The following ITPRID2 variants were observed in gnomAD, a reference collection of about 807,000 sequenced individuals.
The protein encoded by ITPRID2 is protein ITPRID2.
Under a neutral mutation model 124.3 loss-of-function variants are expected in ITPRID2, and 60 were observed. That is an observed-to-expected ratio of 0.48 (90% confidence interval 0.39 to 0.60). ITPRID2 has a LOEUF of 0.60. Ranked by LOEUF, ITPRID2 falls within the 20% of genes least tolerant of loss-of-function variation. The probability of loss-of-function intolerance (pLI) is 0.00; values close to 1 mark genes in which losing one functional copy is unlikely to be tolerated. For missense variants in ITPRID2, 1,553 were observed against 1,512.2 expected, an observed-to-expected ratio of 1.03 and a Z score of -0.45; for synonymous variants, 521 against 542.9, an observed-to-expected ratio of 0.96 and a Z score of 0.56.
chr2:181,896,530 C>A lies in ITPRID2; in HGVS notation c.308-378C>A, dbSNP rs565601547. 3.9e-5 allele frequency among the ~76,000 whole-genome samples: 6 copies of A among 152,018 alleles called. No individual in the cohort carries two copies. Among genetic ancestry groups the A allele is most frequent in the African/African-American group, 1.4e-4 (6 of 41,542 alleles). On this transcript the variant is annotated intron_variant, in intron 3 of 17. Coordinates refer to ENST00000431877, the MANE Select transcript of ITPRID2 (RefSeq NM_001130445.3). The surrounding 1 kb of genome is among the most constrained non-coding windows in gnomAD (Gnocchi z 4.3). Reference sequence around the variant, plus strand: ...GGCAGTGGCAAGGCATATAAAAAAACATTTACAGTGTCAGGAAAATCCAGC... The same window carrying A: ...GGCAGTGGCAAGGCATATAAAAAAAAATTTACAGTGTCAGGAAAATCCAGC...
intron 16 of ITPRID2, among the ~76,000 whole-genome samples, chr2:181,924,191 G>T (rs1694686703): frequency 6.6e-6 from 1 of 152,044 alleles, no homozygotes; most frequent in South Asian, 2.1e-4. Context: ...GATCAAACAA[G>T]GCATAAGAGG....
rs1692781687 is a variant in ITPRID2 at position 181,902,808 on chromosome 2, G to T, written c.1413+342G>T. Among the ~76,000 whole-genome samples the T allele has an allele frequency of 6.6e-6, 1 of 152,158 alleles. No individual in the cohort carries two copies. The highest frequency in any genetic ancestry group is 6.5e-5 in the Admixed American group (1 of 15,268). On this transcript the variant is annotated intron_variant, in intron 8 of 17. Coordinates refer to ENST00000431877, the MANE Select transcript of ITPRID2 (RefSeq NM_001130445.3). The surrounding 1 kb of genome is among the most constrained non-coding windows in gnomAD (Gnocchi z 4.4). ...TATTGCATAATAGTTAGAAACACAG[G>T]CTTTGAAATCAAACAGGGCTTTGAG...
chr2:181,928,363 G>T, intron 17 of ITPRID2, 85 bp downstream of exon 17: 1 of 791,468 alleles, frequency 1.3e-6, no homozygotes, highest in South Asian at 2.1e-5. Flanking sequence ...TACAGGTTTG[G>T]TTCTCTAGTT....
chr2:181,897,294 A>G (rs1692279299), intron 4 of ITPRID2, among the ~76,000 whole-genome samples: 1 of 152,008 alleles, frequency 6.6e-6, no homozygotes, highest in South Asian at 2.1e-4. Flanking sequence ...TATACATGGG[A>G]AAACAAAATT....
rs79608060 is a variant in ITPRID2, at chr2:181,907,409, C to T, written c.1414-2490C>T. On this transcript the variant is annotated intron_variant, in intron 8 of 17. Coordinates refer to ENST00000431877, the MANE Select transcript of ITPRID2 (RefSeq NM_001130445.3). This position sits in a 1 kb window ranked among gnomAD's most constrained non-coding sequence, Gnocchi z 5.1. Reference sequence around the variant, plus strand: ...TGTTTTTCATCTTTGAATCCCAAAACATTGAGACCATGCAATTTTATCACT... The same window carrying T: ...TGTTTTTCATCTTTGAATCCCAAAATATTGAGACCATGCAATTTTATCACT... 1.2e-3 allele frequency among the ~76,000 whole-genome samples: 179 copies of T among 149,588 alleles called. No homozygotes were observed. Among genetic ancestry groups the T allele is most frequent in the South Asian group, 8.8e-3 (42 of 4,756 alleles).
chr2:181,917,324 G>A (rs2125101818), intron 11 of ITPRID2: 1 of 152,252 alleles, frequency 6.6e-6, no homozygotes, highest in Middle Eastern at 3.4e-3. Context: ...AAAAATCAAA[G>A]GTGTAACTTC....
chr2:181,916,990 G>GA, intron 11 of ITPRID2: 3 of 985,746 alleles, frequency 3.0e-6, no homozygotes, highest in Non-Finnish European at 3.6e-6. Context: ...CTCCAGACCA[G>GA]AAAATAACAA....
intron 16 of ITPRID2, 34 bp downstream of exon 16, chr2:181,922,446 G>A: frequency 6.5e-7 from 1 of 1,536,114 alleles, no homozygotes; most frequent in Non-Finnish European, 8.8e-7. Flanking sequence ...CATTTATTTG[G>A]AGGTATATGT....
intron 6 of ITPRID2, among the ~76,000 whole-genome samples, chr2:181,900,279 G>A (rs1558982850): frequency 6.6e-6 from 1 of 152,174 alleles, no homozygotes. Flanking sequence ...AAGGATAACA[G>A]AAAAGCTCAA....
chr2:181,920,767 A>G, intron 15 of ITPRID2, 105 bp downstream of exon 15: 1 of 863,710 alleles, frequency 1.2e-6, no homozygotes, highest in Non-Finnish European at 1.8e-6. Context: ...TAAATACATA[A>G]TTTGATAAAT....
chr2:181,924,153 A>G (rs776016479), intron 16 of ITPRID2, among the ~76,000 whole-genome samples: 2 of 152,196 alleles, frequency 1.3e-5, no homozygotes, highest in Non-Finnish European at 2.9e-5. Context: ...TACTGTCTAC[A>G]AAGGGCCTAC....
At chr2:181,894,097 C>T (rs1180495653) in intron 2 of ITPRID2, 1 of 152,096 alleles carries the variant, frequency 6.6e-6, no homozygotes, top group African/African-American at 2.4e-5. Context: ...ATTACAAATA[C>T]ATTTATAATG....
chr2:181,919,794 C>G lies in ITPRID2; in HGVS notation c.3144+348C>G, dbSNP rs1228456379. Reference sequence around the variant, plus strand: ...CATGTAACTGCAGAGAACACAGATGCATATTTTGCTGTTTTTTTTTCTTTC... The same window carrying G: ...CATGTAACTGCAGAGAACACAGATGGATATTTTGCTGTTTTTTTTTCTTTC... On this transcript the variant is annotated intron_variant, in intron 14 of 17. Transcript: ENST00000431877. This position sits in a 1 kb window ranked among gnomAD's most constrained non-coding sequence, Gnocchi z 4.2. 6.6e-6 allele frequency among the ~76,000 whole-genome samples: 1 copy of G among 151,596 alleles called. No homozygotes were observed. Among genetic ancestry groups the G allele is most frequent in the Non-Finnish European group, 1.5e-5 (1 of 67,930 alleles).
At position 181,902,430 on chromosome 2, in the gene ITPRID2, A is replaced by G; in HGVS notation, c.1377A>G (p.Ile459Met). The G allele has an allele frequency of 6.2e-7, 1 of 1,602,810 alleles. No homozygotes were observed. The highest frequency in any genetic ancestry group is 8.5e-7 in the Non-Finnish European group (1 of 1,176,182). ...TGACAATACCATCCATAAGAAATATAATGACACAGCAGAAGGACTCCTTCG... is the reference window on the plus strand; with the variant it reads ...TGACAATACCATCCATAAGAAATATGATGACACAGCAGAAGGACTCCTTCG... ...APLTIPSIRN[I>M]MTQQKDSFEM... Residue 459 changes from isoleucine (I) to methionine (M), a missense_variant, in exon 8 of 18, where the codon ATA (isoleucine) becomes ATG (methionine). Coordinates refer to ENST00000431877, the MANE Select transcript of ITPRID2 (RefSeq NM_001130445.3). The surrounding 1 kb of genome is among the most constrained non-coding windows in gnomAD (Gnocchi z 4.4).
chr2:181,920,715 G>A (rs763812132), intron 15 of ITPRID2, 53 bp downstream of exon 15: 1 of 1,307,298 alleles, frequency 7.6e-7, no homozygotes, highest in Non-Finnish European at 1.1e-6. Flanking sequence ...CAACATTTCA[G>A]ACACATAGTT....
intron 8 of ITPRID2, among the ~76,000 whole-genome samples, chr2:181,908,271 A>T (rs560192871): frequency 1.6e-3 from 250 of 152,000 alleles, no homozygotes; most frequent in African/African-American, 5.5e-3. Flanking sequence ...GATTAAATTT[A>T]AAAAAAACAT....
chr2:181,921,966 G>C lies in ITPRID2; in HGVS notation c.3229G>C (p.Glu1077Gln), dbSNP rs769153085. The C allele has an allele frequency of 1.2e-5, 19 of 1,614,072 alleles. No individual in the cohort carries two copies. The highest frequency in any genetic ancestry group is 1.6e-5 in the Non-Finnish European group (19 of 1,179,972). Residue 1077 changes from glutamate (E) to glutamine (Q), a missense_variant, in exon 16 of 18, where the codon GAG (glutamate) becomes CAG (glutamine). Physicochemically the swap from Glu to Gln is conservative, Grantham distance 29. Transcript: ENST00000431877. ...VMEPVTELMQ[E>Q]QSYLKSELGL... ...TCTCCAGGTCACTGAACTGATGCAG[G>C]AGCAGTCATACCTGAAGTCTGAATT...
At chr2:181,912,083 C>T (rs533605505) in intron 9 of ITPRID2, among the ~76,000 whole-genome samples, 1 of 152,338 alleles carries the variant, frequency 6.6e-6, no homozygotes, top group African/African-American at 2.4e-5. Flanking sequence ...CACTCAGGCA[C>T]CTGCCCTTGC....
chr2:181,913,748 A>G (rs1366209346), intron 9 of ITPRID2, 97 bp from the exon 10 acceptor site: 2 of 761,902 alleles, frequency 2.6e-6, no homozygotes, highest in East Asian at 2.8e-5. Flanking sequence ...GCTGGGAATC[A>G]TATCTCTGTA....
Sources: allele counts gnomAD v4.1 joint callset (sites outside exome capture counted in the v4.1 genomes callset), GRCh38; gene constraint gnomAD v4.1.1; non-coding constraint Gnocchi (gnomAD v3.1); transcripts MANE v1.5; gene names NCBI Gene and HGNC (gene_info 2026-07-23, HGNC 2026-07-21).